MACROD2: variants seen among roughly 807,000 people sequenced by gnomAD.
MACROD2 encodes mono-ADP ribosylhydrolase 2, also known as ADP-ribose glycohydrolase MACROD2.
Under a neutral mutation model 70.4 loss-of-function variants are expected in MACROD2, and 36 were observed. The ratio of observed to expected loss-of-function variants is 0.51; its 90% CI spans 0.39 to 0.68. The LOEUF (loss-of-function observed/expected upper bound fraction) is 0.68, where lower values mean the gene tolerates loss of function less well. Ranked by LOEUF, MACROD2 falls within the 30% of genes least tolerant of loss-of-function variation. The pLI is 0.00. For missense variants in MACROD2, 496 were observed against 538.4 expected (o/e 0.92, Z 0.78); for synonymous variants, 172 against 178.8 (o/e 0.96, Z 0.30).
chr20:14,108,098 A>G (rs897744594), intron 3 of MACROD2, among the ~76,000 whole-genome samples: 1 of 152,166 alleles, frequency 6.6e-6, no homozygotes, highest in Non-Finnish European at 1.5e-5. Flanking sequence ...AAGAGGAACA[A>G]CAAAAAGTTA....
At chr20:15,266,415 C>T (rs1048001241) in intron 6 of MACROD2, among the ~76,000 whole-genome samples, 5 of 152,140 alleles carry the variant, frequency 3.3e-5, no homozygotes, top group South Asian at 4.1e-4. Context: ...TGACTACCAA[C>T]GATGTGACCT....
At chr20:15,553,784 G>C (rs1359604991) in intron 8 of MACROD2, among the ~76,000 whole-genome samples, 1 of 152,192 alleles carries the variant, frequency 6.6e-6, no homozygotes, top group Non-Finnish European at 1.5e-5. Context: ...TCAAGAATGA[G>C]TTTATATTCA....
chr20:14,421,908 C>T (rs1600222612), intron 3 of MACROD2, among the ~76,000 whole-genome samples: 1 of 152,042 alleles, frequency 6.6e-6, no homozygotes, highest in East Asian at 1.9e-4. Context: ...TGTGTTAGGT[C>T]TAATTTGTTT....
At chr20:15,088,817 C>A (rs1163865330) in intron 5 of MACROD2, among the ~76,000 whole-genome samples, 1 of 151,804 alleles carries the variant, frequency 6.6e-6, no homozygotes, top group African/African-American at 2.4e-5. Context: ...AGGGCCATGC[C>A]AAATTGCCAA....
intron 8 of MACROD2, among the ~76,000 whole-genome samples, chr20:15,712,802 C>T (rs1305258578): frequency 6.6e-6 from 1 of 152,220 alleles, no homozygotes; most frequent in Admixed American, 6.5e-5. Flanking sequence ...AAGCTGTCCA[C>T]ATGTCTTACC....
At chr20:14,444,002 T>C (rs988792317) in intron 3 of MACROD2, among the ~76,000 whole-genome samples, 2 of 152,184 alleles carry the variant, frequency 1.3e-5, no homozygotes, top group African/African-American at 2.4e-5. Context: ...TTAATTTATA[T>C]GTTATTTTAA....
chr20:15,696,487 A>G (rs959575809), intron 8 of MACROD2, among the ~76,000 whole-genome samples: 1 of 152,148 alleles, frequency 6.6e-6, no homozygotes, highest in East Asian at 1.9e-4. Flanking sequence ...TTCATCAAGG[A>G]TATTGGTCTG....
chr20:14,070,645 G>T (rs2053825529), intron 2 of MACROD2, among the ~76,000 whole-genome samples: 1 of 152,082 alleles, frequency 6.6e-6, no homozygotes, highest in South Asian at 2.1e-4. Flanking sequence ...GTATCCACAT[G>T]GCTGGATTAA....
rs941664617 is a variant in MACROD2 at position 15,793,142 on chromosome 20, C to T, written c.646-69603C>T. Among the ~76,000 whole-genome samples, 3 of 152,010 alleles carry T rather than the reference C, an allele frequency of 2.0e-5. No individual in the cohort carries two copies. The East Asian group carries it at 5.8e-4, about 29-fold the overall frequency. On this transcript the variant is annotated intron_variant, in intron 8 of 17. Coordinates refer to ENST00000684519, the MANE Select transcript of MACROD2 (RefSeq NM_001351661.2). ...AAGACTGTGTGTGTGTGTGCATGCG[C>T]ATGTGTGTGATTAAAATATATCTGG...
At chr20:14,788,742 A>G (rs1426753677) in intron 5 of MACROD2, among the ~76,000 whole-genome samples, 1 of 147,584 alleles carries the variant, frequency 6.8e-6, no homozygotes, top group African/African-American at 2.5e-5. Flanking sequence ...TTAAAAAAAA[A>G]TTCCTCAAAC....
At chr20:14,455,781 G>A (rs1208289122) in intron 3 of MACROD2, among the ~76,000 whole-genome samples, 2 of 151,514 alleles carry the variant, frequency 1.3e-5, no homozygotes, top group East Asian at 3.9e-4. Flanking sequence ...AAGCAATTTA[G>A]TTTATAAAAC....
At chr20:14,553,991 C>T (rs1978849972) in intron 4 of MACROD2, among the ~76,000 whole-genome samples, 1 of 152,110 alleles carries the variant, frequency 6.6e-6, no homozygotes, top group Admixed American at 6.6e-5. Context: ...TCATAGAACT[C>T]AACTTTCTTG....
intron 6 of MACROD2, among the ~76,000 whole-genome samples, chr20:15,327,921 G>A (rs1344113309): frequency 7.9e-5 from 12 of 152,068 alleles, no homozygotes. Flanking sequence ...ACACATATCA[G>A]TTAATGAAAC....
chr20:15,473,910 T>C (rs1220514372), intron 7 of MACROD2, among the ~76,000 whole-genome samples: 2 of 152,220 alleles, frequency 1.3e-5, no homozygotes, highest in Non-Finnish European at 2.9e-5. Context: ...GATCTTTTGT[T>C]TTCCAACATA....
At chr20:15,056,419 T>G (rs424240) in intron 5 of MACROD2, among the ~76,000 whole-genome samples, 35,322 of 152,060 alleles carry the variant, frequency 0.23, 4,339 homozygotes, top group Middle Eastern at 0.32. Context: ...ACTGATGAGT[T>G]TTTTGACTAA....
intron 2 of MACROD2, among the ~76,000 whole-genome samples, chr20:14,011,852 A>G (rs2052912584): frequency 1.3e-5 from 2 of 151,740 alleles, no homozygotes; most frequent in African/African-American, 4.8e-5. Context: ...TCTTAATGGC[A>G]TCTGGGAATT....
chr20:15,712,651 A>G (rs2050645020), intron 8 of MACROD2, among the ~76,000 whole-genome samples: 1 of 152,158 alleles, frequency 6.6e-6, no homozygotes, highest in Non-Finnish European at 1.5e-5. Flanking sequence ...TTTGGCTTCC[A>G]GTGCCTGTCT....
intron 8 of MACROD2, among the ~76,000 whole-genome samples, chr20:15,826,288 C>A (rs182901991): frequency 6.6e-6 from 1 of 152,018 alleles, no homozygotes; most frequent in Non-Finnish European, 1.5e-5. Flanking sequence ...TAAGGGAATA[C>A]GCATGGGGGA....
At chr20:14,977,356 T>A (rs965209277) in intron 5 of MACROD2, among the ~76,000 whole-genome samples, 2 of 151,458 alleles carry the variant, frequency 1.3e-5, no homozygotes, top group Non-Finnish European at 1.5e-5. Flanking sequence ...CTTCTTTTTA[T>A]GCTGTTTTCT....
Sources: gnomAD v4.1 joint callset for allele counts (sites outside exome capture counted in the v4.1 genomes callset) on GRCh38, gnomAD v4.1.1 for gene constraint, MANE v1.5 for transcripts, NCBI Gene and HGNC (gene_info 2026-07-23, HGNC 2026-07-21) for gene names.